FRMD6: variants seen among roughly 807,000 people sequenced by gnomAD.
FRMD6 encodes FERM domain containing 6.
FRMD6 carries 37 observed loss-of-function variants against 73.2 expected under a neutral mutation model. The observed-to-expected ratio is 0.51, with a 90% confidence interval of 0.39 to 0.66. The LOEUF is 0.66. FRMD6 is among the 30% of genes least tolerant of loss of function. FRMD6 has a pLI of 0.00. For synonymous variants in FRMD6, 273 were observed against 282.2 expected, an observed-to-expected ratio of 0.97 and a Z score of 0.33; for missense variants, 714 against 780.5, an observed-to-expected ratio of 0.91 and a Z score of 1.02.
intron 1 of FRMD6, among the ~76,000 whole-genome samples, chr14:51,524,022 CT>C (rs1445228863): frequency 6.6e-6 from 1 of 152,218 alleles, no homozygotes; most frequent in Non-Finnish European, 1.5e-5. Flanking sequence ...AATGGCCCAG[CT>C]GCTTAGACCA....
At chr14:51,534,894 T>C (rs12323936) in intron 1 of FRMD6, among the ~76,000 whole-genome samples, 17,603 of 152,178 alleles carry the variant, frequency 0.12, 1,113 homozygotes, top group Non-Finnish European at 0.14. Flanking sequence ...CCAGGTACTC[T>C]CCAGTGGAGA....
At chr14:51,532,242 A>G (rs1487958729) in intron 1 of FRMD6, among the ~76,000 whole-genome samples, 1 of 151,746 alleles carries the variant, frequency 6.6e-6, no homozygotes, top group Non-Finnish European at 1.5e-5. Flanking sequence ...GGTGGCGGGC[A>G]CCTGTAGTCC....
At chr14:51,453,956 C>A in the FRMD6 span, among the ~76,000 whole-genome samples, 1 of 152,196 alleles carries the variant, frequency 6.6e-6, no homozygotes, top group Non-Finnish European at 1.5e-5. Context: ...ACTGGAGACA[C>A]ATGCTTTAAG....
chr14:51,716,307 T>A (rs937995482), intron 10 of FRMD6, among the ~76,000 whole-genome samples: 32 of 152,080 alleles, frequency 2.1e-4, no homozygotes, highest in African/African-American at 6.8e-4. Context: ...TTTTTTTTTT[T>A]AATGCTTTGG....
chr14:51,646,039 C>T (rs1346409375), intron 2 of FRMD6, among the ~76,000 whole-genome samples: 1 of 151,994 alleles, frequency 6.6e-6, no homozygotes, highest in East Asian at 1.9e-4. Flanking sequence ...TGAAGAGAGG[C>T]CGGGTGCGGT....
intron 1 of FRMD6, among the ~76,000 whole-genome samples, chr14:51,515,941 C>G (rs1884612343): frequency 1.3e-5 from 2 of 152,172 alleles, no homozygotes; most frequent in Admixed American, 6.5e-5. Context: ...TGAGACACTG[C>G]AAAGTAGTTA....
chr14:51,574,125 T>G (rs1888284076), intron 2 of FRMD6, among the ~76,000 whole-genome samples: 1 of 152,222 alleles, frequency 6.6e-6, no homozygotes, highest in South Asian at 2.1e-4. Flanking sequence ...TGGGAAGGTC[T>G]TCCTGTGCTT....
the FRMD6 span, among the ~76,000 whole-genome samples, chr14:51,398,055 G>A: frequency 6.6e-6 from 1 of 151,860 alleles, no homozygotes; most frequent in African/African-American, 2.4e-5. Context: ...CAATTTTTTT[G>A]GTCTCTAGAA....
the FRMD6 span, among the ~76,000 whole-genome samples, chr14:51,412,662 T>G: frequency 6.6e-6 from 1 of 151,986 alleles, no homozygotes; most frequent in African/African-American, 2.4e-5. Context: ...CCATCCTGGC[T>G]AACATGGTGC....
chr14:51,523,059 G>A (rs1885036273), intron 1 of FRMD6: 1 of 152,134 alleles, frequency 6.6e-6, no homozygotes. Context: ...CTGGGAATTA[G>A]AACTATTATT....
At chr14:51,648,581 T>C (rs1263161993), upstream of FRMD6, among the ~76,000 whole-genome samples, 1 of 152,226 alleles carries the variant, frequency 6.6e-6, no homozygotes, top group East Asian at 1.9e-4. Flanking sequence ...GGCAAACTTC[T>C]GTTTATCCTT....
chr14:51,444,970 A>T, the FRMD6 span, among the ~76,000 whole-genome samples: 1 of 152,132 alleles, frequency 6.6e-6, no homozygotes, highest in Non-Finnish European at 1.5e-5. Flanking sequence ...ATGATATAAT[A>T]CTATAATGAT....
chr14:51,543,733 G>A (rs1471782280), intron 1 of FRMD6, among the ~76,000 whole-genome samples: 4 of 151,974 alleles, frequency 2.6e-5, no homozygotes, highest in East Asian at 1.9e-4. Context: ...AAAGAATTGC[G>A]AACTGTATTC....
chr14:51,426,064 G>T, the FRMD6 span, among the ~76,000 whole-genome samples: 24 of 152,026 alleles, frequency 1.6e-4, no homozygotes, highest in Admixed American at 1.4e-3. Context: ...TAACAATCTT[G>T]TTCAACATGG....
At chr14:51,517,588 C>T (rs116121646) in intron 1 of FRMD6, among the ~76,000 whole-genome samples, 1,979 of 152,014 alleles carry the variant, frequency 0.013, 34 homozygotes, top group African/African-American at 0.045. Context: ...GTTAAATTAC[C>T]GAGCTCTGAT....
chr14:51,650,592 T>C (rs1012140252), upstream of FRMD6: 1 of 151,266 alleles, frequency 6.6e-6, no homozygotes, highest in African/African-American at 2.4e-5. Flanking sequence ...AGACGGGGTT[T>C]CACCGTTTTA....
At chr14:51,658,382 T>G (rs1892988030) in intron 1 of FRMD6, among the ~76,000 whole-genome samples, 1 of 152,108 alleles carries the variant, frequency 6.6e-6, no homozygotes, top group Non-Finnish European at 1.5e-5. Flanking sequence ...GTTGTAAGTA[T>G]CAAGTAGGAG....
At chr14:51,412,210 T>A in the FRMD6 span, among the ~76,000 whole-genome samples, 1 of 152,212 alleles carries the variant, frequency 6.6e-6, no homozygotes, top group African/African-American at 2.4e-5. Context: ...TTTTGATATA[T>A]CTTTAGTCAT....
Position 51,644,353 on chromosome 14 carries a change from TCACA to T in FRMD6, c.-146-45306_-146-45303del, listed in dbSNP as rs375341468. Among the ~76,000 whole-genome samples the T allele has an allele frequency of 7.6e-3, 1,085 of 142,140 alleles. 12 individuals carry two copies. The highest frequency in any genetic ancestry group is 0.018 in the Middle Eastern group (5 of 276). The allele number at this position is 142,140 out of a possible 152,430, so 93.2% of individuals were successfully genotyped here. A position where few individuals can be genotyped will look rare whatever the true frequency, so the allele number is the denominator to read the frequency against. On this transcript the variant is annotated intron_variant, in intron 2 of 14. Coordinates refer to the FRMD6 transcript ENST00000356218. ...ATCTCAGATTTCTCTGCCTCACCCT[TCACA>T]CACACACACACACACACACACACAC...
Sources: allele counts gnomAD v4.1 joint callset (sites outside exome capture counted in the v4.1 genomes callset), GRCh38; gene constraint gnomAD v4.1.1; transcripts MANE v1.5; gene names NCBI Gene and HGNC (gene_info 2026-07-23, HGNC 2026-07-21).